The following ZNF774 variants were observed in gnomAD, a reference collection of about 807,000 sequenced individuals.
The protein encoded by ZNF774 is zinc finger protein 774.
A neutral mutation model predicts 11.1 loss-of-function variants in ZNF774; 14 were observed. The ratio of observed to expected loss-of-function variants is 1.26; its 90% CI spans 0.83 to 1.97. The LOEUF (loss-of-function observed/expected upper bound fraction) is 1.97, where lower values mean the gene tolerates loss of function less well. Among genes scored for constraint, ZNF774 ranks in the 30% most tolerant of loss-of-function variants. The pLI is 0.00. For synonymous variants in ZNF774, 195 were observed against 212.6 expected (o/e 0.92, Z 0.72); for missense variants, 599 against 587.0 (o/e 1.02, Z -0.21).
At chr15:90,353,278 C>T (rs1567099793) in intron 1 of ZNF774, among the ~76,000 whole-genome samples, 1 of 152,092 alleles carries the variant, frequency 6.6e-6, no homozygotes, top group Non-Finnish European at 1.5e-5. Flanking sequence ...ATACTGAAAA[C>T]TCTTATTACA....
At chr15:90,359,061 ATT>A (rs758679594) in intron 3 of ZNF774, 104 bp downstream of exon 3, 30,187 of 384,206 alleles carry the variant, frequency 0.079, 223 homozygotes, top group African/African-American at 0.16. Flanking sequence ...ACTAGCAGAC[ATT>A]TTTTTTTTTT....
At chr15:90,357,048 C>T (rs1964258871) in intron 2 of ZNF774, among the ~76,000 whole-genome samples, 2 of 149,494 alleles carry the variant, frequency 1.3e-5, no homozygotes, top group South Asian at 4.1e-4. Context: ...TCTTAGAATT[C>T]TCAGAATTAG....
chr15:90,360,298 G>A lies in ZNF774; in HGVS notation c.467G>A (p.Cys156Tyr), dbSNP rs757002962. The A allele has an allele frequency of 6.2e-6, 10 of 1,614,208 alleles. No homozygotes were observed. The highest frequency in any genetic ancestry group is 4.4e-5 in the South Asian group (4 of 91,084). The change falls in exon 4 of 4, where the codon TGC becomes TAC. Residue 156 changes from cysteine (C) to tyrosine (Y), a missense_variant. Cys to Tyr is a radical substitution (Grantham distance 194). Coordinates refer to ENST00000354377, the MANE Select transcript of ZNF774 (RefSeq NM_001004309.3). The part of the protein sequence containing the change: ...YVGEKPMCAE[C>Y]GKSFNQSSYL... ...GGAGAGAAGCCTATGTGTGCAGAAT[G>A]CGGGAAAAGCTTTAACCAGAGTTCC...
Position 90,360,810 on chromosome 15 carries a change from G to A in ZNF774, c.979G>A (p.Gly327Ser), listed in dbSNP as rs779907346. Residue 327 changes from glycine (G) to serine (S), a missense_variant, in exon 4 of 4, where the codon GGC (glycine) becomes AGC (serine). Transcript: ENST00000354377. ...RPFKCPECGK[G>S]FRDSSHFVAH... ...CTTCAAATGCCCGGAGTGCGGGAAG[G>A]GCTTCAGAGATAGTTCTCATTTTGT... 2.4e-5 allele frequency: 38 copies of A among 1,613,864 alleles called. No individual in the cohort carries two copies. The highest frequency in any genetic ancestry group is 1.6e-4 in the Middle Eastern group (1 of 6,082).
intron 1 of ZNF774, among the ~76,000 whole-genome samples, chr15:90,353,463 TGTG>T (rs1478755664): frequency 1.3e-5 from 2 of 151,012 alleles, no homozygotes; most frequent in Non-Finnish European, 2.9e-5. Context: ...TGTGTGTGTG[TGTG>T]TTCCAGTAGT....
At position 90,360,376 on chromosome 15, in the gene ZNF774, T is replaced by C. The variant is rs61738864; in HGVS notation, c.545T>C (p.Ile182Thr). The change falls in exon 4 of 4, where the codon ATT becomes ACT. Residue 182 changes from isoleucine (I) to threonine (T), a missense_variant. By Grantham distance (89) the Ile-to-Thr change is moderately conservative. Coordinates refer to ENST00000354377, the MANE Select transcript of ZNF774 (RefSeq NM_001004309.3). ...THTGERPYTCIECGKGFKQSS... is the reference protein window; with the variant it reads ...THTGERPYTCTECGKGFKQSS... ...ACTGGCGAGAGGCCCTATACGTGCA[T>C]TGAGTGTGGGAAAGGCTTCAAACAG... 1.3e-3 allele frequency: 2,157 copies of C among 1,614,038 alleles called. 15 individuals carry two copies. The African/African-American group carries it at 0.019, about 14-fold the overall frequency.
Position 90,361,457 on chromosome 15 carries a change from G to T in ZNF774, c.*174G>T, listed in dbSNP as rs556821714. On this transcript the variant is annotated 3_prime_UTR_variant, in exon 4 of 4. Transcript: ENST00000354377. ...GATAAACTTAAAGGGTCCAAATAAC[G>T]GTCCGAATACAAAAGGCATTCCTTC... 2.1e-6 allele frequency: 3 copies of T among 1,402,124 alleles called. No homozygotes were observed. The highest frequency in any genetic ancestry group is 5.0e-5 in the East Asian group (2 of 39,688). The allele number at this position is 1,402,124 out of a possible 1,614,324, so 86.9% of individuals were successfully genotyped here.
intron 2 of ZNF774, among the ~76,000 whole-genome samples, chr15:90,357,941 G>C (rs553205553): frequency 1.3e-5 from 2 of 150,066 alleles, no homozygotes; most frequent in East Asian, 3.9e-4. Context: ...TGTCGTCCAG[G>C]CTGGAGTGCA....
intron 2 of ZNF774, among the ~76,000 whole-genome samples, chr15:90,356,446 C>T (rs1437870751): frequency 6.6e-6 from 1 of 152,052 alleles, no homozygotes; most frequent in Non-Finnish European, 1.5e-5. Flanking sequence ...ATCCGCTGGC[C>T]TTGGCCTCCC....
chr15:90,359,097 G>A (rs926499769), intron 3 of ZNF774, 140 bp downstream of exon 3: 44 of 524,440 alleles, frequency 8.4e-5, no homozygotes, highest in Admixed American at 4.6e-4. Context: ...ACGGAGTCTC[G>A]CTCTGTCGCC....
Position 90,361,186 on chromosome 15 carries a change from C to T in ZNF774, c.1355C>T (p.Thr452Met), listed in dbSNP as rs1424540488. 2 of 1,614,154 alleles carry T rather than the reference C, an allele frequency of 1.2e-6. No homozygotes were observed. The highest frequency in any genetic ancestry group is 8.5e-7 in the Non-Finnish European group (1 of 1,180,018). The stretch of plus-strand genomic sequence containing the variant: ...TCCCATTTCCTCACACACCAGAGAA[C>T]GCATACAGGAGAAAAACCTTTCCAC... Reference protein sequence around the residue: ...QRSHFLTHQRTHTGEKPFHCS... With the variant: ...QRSHFLTHQRMHTGEKPFHCS... Residue 452 changes from threonine (T) to methionine (M), a missense_variant, in exon 4 of 4, where the codon ACG (threonine) becomes ATG (methionine). Thr to Met is a moderately conservative substitution (Grantham distance 81). Coordinates refer to ENST00000354377, the MANE Select transcript of ZNF774 (RefSeq NM_001004309.3).
At chr15:90,355,980 A>G (rs1482617689) in intron 2 of ZNF774, among the ~76,000 whole-genome samples, 1 of 147,690 alleles carries the variant, frequency 6.8e-6, no homozygotes, top group Admixed American at 6.7e-5. Context: ...GTGAGCCAAG[A>G]TCATGCCACT....
intron 3 of ZNF774, among the ~76,000 whole-genome samples, 173 bp from the exon 4 acceptor site, chr15:90,359,870 G>A (rs189417833): frequency 3.9e-5 from 6 of 152,328 alleles, no homozygotes; most frequent in African/African-American, 1.2e-4. Context: ...AGGAATTCAC[G>A]TGTTCTGACA....
Position 90,362,530 on chromosome 15 carries a change from C to A in ZNF774, c.*1247C>A, listed in dbSNP as rs1964350756. On this transcript the variant is annotated 3_prime_UTR_variant, in exon 4 of 4. Coordinates refer to ENST00000354377, the MANE Select transcript of ZNF774 (RefSeq NM_001004309.3). ...CATTTAGTTTTAGGTTAATATAATT[C>A]TCTGATCCTTTTAGGGCCATCCAGG... 1.0e-5 allele frequency: 16 copies of A among 1,535,460 alleles called. No individual in the cohort carries two copies. The highest frequency in any genetic ancestry group is 4.1e-5 in the African/African-American group (3 of 72,996).
intron 3 of ZNF774, among the ~76,000 whole-genome samples, chr15:90,359,356 GCCA>G (rs1472341179): frequency 6.6e-6 from 1 of 152,054 alleles, no homozygotes; most frequent in African/African-American, 2.4e-5. Context: ...ACAGGCGTGA[GCCA>G]CCGCGCCCGG....
chr15:90,355,520 C>G lies in ZNF774; in HGVS notation c.104+756C>G, dbSNP rs186236215. On this transcript the variant is annotated intron_variant, in intron 2 of 3. Coordinates refer to ENST00000354377, the MANE Select transcript of ZNF774 (RefSeq NM_001004309.3). ...TGGGCGGATCATAAGGTCAGGAGTT[C>G]GAGACCAGCCTGGCCAACATGATGA... 4.6e-4 allele frequency: 202 copies of G among 438,210 alleles called. 2 individuals carry two copies. The East Asian group carries it at 7.9e-3, about 17-fold the overall frequency. The allele number at this position is 438,210 out of a possible 1,614,324, so 27.1% of individuals were successfully genotyped here. A position where few individuals can be genotyped will look rare whatever the true frequency, so the allele number is the denominator to read the frequency against.
At chr15:90,355,136 A>G (rs1419259128) in intron 2 of ZNF774, among the ~76,000 whole-genome samples, 1 of 152,092 alleles carries the variant, frequency 6.6e-6, no homozygotes, top group African/African-American at 2.4e-5. Flanking sequence ...TTAATTTGAG[A>G]CTTAGATATT....
At chr15:90,355,924 G>T (rs1964240223) in intron 2 of ZNF774, among the ~76,000 whole-genome samples, 1 of 149,022 alleles carries the variant, frequency 6.7e-6, no homozygotes. Context: ...AGCTACTCGG[G>T]AGGCTGAGGC....
chr15:90,355,377 C>T (rs1434544713), intron 2 of ZNF774: 1 of 456,048 alleles, frequency 2.2e-6, no homozygotes, highest in Admixed American at 2.3e-5. Flanking sequence ...ACCTCTGCCA[C>T]TTAACTTCTG....
Sources: gnomAD v4.1 joint callset for allele counts (sites outside exome capture counted in the v4.1 genomes callset) on GRCh38, gnomAD v4.1.1 for gene constraint, MANE v1.5 for transcripts, NCBI Gene and HGNC (gene_info 2026-07-23, HGNC 2026-07-21) for gene names.